CCNL2: variants seen among roughly 807,000 people sequenced by gnomAD.
CCNL2 encodes the protein cyclin L2, also known as cyclin-L2.
Under a neutral mutation model 59.1 loss-of-function variants are expected in CCNL2, and 28 were observed. The observed-to-expected ratio is 0.47, with a 90% CI of 0.35 to 0.65. The LOEUF is 0.65. Among genes scored for constraint, CCNL2 ranks in the 30% least tolerant of loss-of-function variants. The pLI is 0.00. For missense variants in CCNL2, 714 were observed against 717.4 expected (o/e 1.00, Z 0.05); for synonymous variants, 342 against 288.6 (o/e 1.19, Z -1.88).
In CCNL2 at chr1:1,388,568, TC is replaced by T. The variant is rs1644587941; in HGVS notation, c.1007-504del. On this transcript the variant is annotated intron_variant, in intron 8 of 10. Transcript: ENST00000400809. Reference sequence around the variant, plus strand: ...ACCCCAAAACATGTGAGTGTGTGTCTCTCTCTCTCTCTCTCTATATATATAT... The same window carrying T: ...ACCCCAAAACATGTGAGTGTGTGTCTTCTCTCTCTCTCTCTATATATATAT... 6.5e-4 allele frequency: 108 copies of T among 165,956 alleles called. 1 individual carries two copies. Among genetic ancestry groups the T allele is most frequent in the South Asian group, 3.1e-3 (105 of 33,566 alleles). 10.3% of individuals were successfully genotyped at this position (165,956 alleles called of 1,614,324 possible). A position where few individuals can be genotyped will look rare whatever the true frequency, so the allele number is the denominator to read the frequency against.
chr1:1,395,937 G>C (rs1644995841), intron 3 of CCNL2, among the ~76,000 whole-genome samples: 1 of 152,128 alleles, frequency 6.6e-6, no homozygotes, highest in Non-Finnish European at 1.5e-5. Flanking sequence ...CAGCACTTTG[G>C]GAGGCGAGGC....
intron 8 of CCNL2, chr1:1,388,709 T>G (rs1644599712): frequency 2.4e-6 from 1 of 419,008 alleles, no homozygotes; most frequent in Admixed American, 2.8e-5. Flanking sequence ...AGGCGGAGCT[T>G]GCAGTGATCC....
At chr1:1,397,954 C>T (rs372557843) in intron 3 of CCNL2, among the ~76,000 whole-genome samples, 1 of 152,304 alleles carries the variant, frequency 6.6e-6, no homozygotes, top group African/African-American at 2.4e-5. Flanking sequence ...GGGACAGAAG[C>T]AGCAGCAGGG....
chr1:1,398,130 A>G (rs1645147529), intron 3 of CCNL2, 103 bp downstream of exon 3: 3 of 1,098,630 alleles, frequency 2.7e-6, no homozygotes, highest in South Asian at 2.9e-5. Flanking sequence ...CCACAGGTTT[A>G]GAGCCTCAGG....
intron 4 of CCNL2, among the ~76,000 whole-genome samples, chr1:1,393,943 A>G (rs1644877544): frequency 6.6e-6 from 1 of 152,124 alleles, no homozygotes; most frequent in Non-Finnish European, 1.5e-5. Flanking sequence ...CCTGACCAAT[A>G]TGGAGAAACC....
chr1:1,396,458 G>A (rs1211996060), intron 3 of CCNL2, among the ~76,000 whole-genome samples: 1 of 150,810 alleles, frequency 6.6e-6, no homozygotes, highest in African/African-American at 2.4e-5. Flanking sequence ...TAGAGATGGG[G>A]TTTCTACATG....
intron 4 of CCNL2, among the ~76,000 whole-genome samples, chr1:1,394,023 G>A (rs758675745): frequency 1.3e-5 from 2 of 152,044 alleles, no homozygotes; most frequent in Non-Finnish European, 2.9e-5. Flanking sequence ...GTACTCAGGA[G>A]GCTGAGGCAG....
chr1:1,395,895 T>G (rs1644993509), intron 3 of CCNL2, among the ~76,000 whole-genome samples: 1 of 152,124 alleles, frequency 6.6e-6, no homozygotes, highest in African/African-American at 2.4e-5. Context: ...TAAATACAGA[T>G]GGGCCAGGTG....
chr1:1,394,390 G>A (rs2100324076), intron 4 of CCNL2, among the ~76,000 whole-genome samples: 1 of 152,278 alleles, frequency 6.6e-6, no homozygotes, highest in South Asian at 2.1e-4. Context: ...TCAGACTAAA[G>A]GGGCCAGAAT....
At chr1:1,391,614 A>G in intron 5 of CCNL2, 7 of 1,188,924 alleles carry the variant, frequency 5.9e-6, no homozygotes, top group Non-Finnish European at 7.9e-6. Flanking sequence ...GCAACACAAT[A>G]CTGAGAAGCA....
chr1:1,398,958 A>AACAAAGGCGGCTGCCGCCC, intron 1 of CCNL2, 61 bp downstream of exon 1: 1 of 1,502,656 alleles, frequency 6.7e-7, no homozygotes, highest in African/African-American at 1.4e-5. Flanking sequence ...ACTCGCCGCC[A>AACAAAGGCGGCTGCCGCCC]ACAAAGGCGG....
Position 1,388,010 on chromosome 1 carries a change from G to C in CCNL2, c.1062C>G (p.Asn354Lys). 3.1e-6 allele frequency: 5 copies of C among 1,614,086 alleles called. No individual in the cohort carries two copies. Among genetic ancestry groups the C allele is most frequent in the Non-Finnish European group, 4.2e-6 (5 of 1,180,042 alleles). The change falls in exon 9 of 11, where the codon AAC becomes AAG. Residue 354 changes from asparagine (N) to lysine (K), a missense_variant. Asn to Lys is a moderately conservative substitution (Grantham distance 94, BLOSUM62 0). Transcript: ENST00000400809. ...GSKPSPLSVK[N>K]TKRRLEGAKK... ...TGGCGCCCTCCAGCCTCCTCTTGGTGTTCTTCACAGACAGTGGGGAAGGCT... is the reference window on the plus strand; with the variant it reads ...TGGCGCCCTCCAGCCTCCTCTTGGTCTTCTTCACAGACAGTGGGGAAGGCT...
intron 1 of CCNL2, 94 bp downstream of exon 1, chr1:1,398,925 T>C: frequency 2.1e-6 from 3 of 1,455,264 alleles, no homozygotes; most frequent in Non-Finnish European, 2.7e-6. Flanking sequence ...GGTCGGGGTC[T>C]AGGCGGGGGC....
chr1:1,391,871 T>G (rs1476177791), intron 5 of CCNL2: 1 of 276,584 alleles, frequency 3.6e-6, no homozygotes, highest in East Asian at 1.2e-4. Flanking sequence ...GTTGAACTGG[T>G]TTTATATTTA....
At chr1:1,389,306 T>C (rs1340785723) in intron 8 of CCNL2, 2 of 151,850 alleles carry the variant, frequency 1.3e-5, no homozygotes, top group African/African-American at 4.9e-5. Flanking sequence ...GAGGTGGAGC[T>C]TGCAATGAGC....
rs183848827 is a variant in CCNL2 at position 1,397,277 on chromosome 1, C to T, written c.473+956G>A. Among the ~76,000 whole-genome samples, 596 of 152,216 alleles carry T rather than the reference C, an allele frequency of 3.9e-3. 1 individual carries two copies. The highest frequency in any genetic ancestry group is 6.2e-3 in the South Asian group (30 of 4,826). On this transcript the variant is annotated intron_variant, in intron 3 of 10. Transcript: ENST00000400809. ...CTGGAGAAATTTTACTATTCCAGGG[C>T]CATGAAGCAACATCAACAGACTTTC...
chr1:1,387,485 G>C lies in CCNL2; in HGVS notation c.1309C>G (p.Pro437Ala). 2 of 1,604,234 alleles carry C rather than the reference G, an allele frequency of 1.2e-6. No homozygotes were observed. The highest frequency in any genetic ancestry group is 1.7e-6 in the Non-Finnish European group (2 of 1,175,076). Reference protein sequence around the residue: ...SPPRQAPRSAPYKGSEIRGSR... With the variant: ...SPPRQAPRSAAYKGSEIRGSR... ...CCCCGAATCTCAGAGCCTTTGTAGG[G>C]AGCGCTGCGGGGGGCCTGTCTCGGT... Residue 437 changes from proline to alanine, a missense_variant, in exon 11 of 11, where the codon CCC becomes GCC. Around this residue, in one of 5 missense-constraint regions of CCNL2, gnomAD observed 403 missense variants for 377.7 expected, o/e 1.07. Transcript: ENST00000400809.
intron 5 of CCNL2, chr1:1,393,177 A>G: frequency 3.4e-6 from 2 of 589,774 alleles, no homozygotes; most frequent in South Asian, 4.1e-5. Context: ...GGGACACAGG[A>G]AGTCCAGGCT....
At chr1:1,391,591 C>T (rs1346155592) in intron 5 of CCNL2, 1 of 1,300,546 alleles carries the variant, frequency 7.7e-7, no homozygotes, top group African/African-American at 1.5e-5. Flanking sequence ...AATGAACATT[C>T]ATAGAATCAG....
Sources: allele counts gnomAD v4.1 joint callset (sites outside exome capture counted in the v4.1 genomes callset), GRCh38; gene constraint gnomAD v4.1.1; regional missense constraint gnomAD v4.1.1; transcripts MANE v1.5; gene names NCBI Gene and HGNC (gene_info 2026-07-23, HGNC 2026-07-21).